SMARCA1: variants seen among roughly 807,000 people sequenced by gnomAD.
SMARCA1 encodes SWI/SNF-related matrix-associated actin-dependent regulator of chromatin subfamily A member 1.
A neutral mutation model predicts 93.6 loss-of-function variants in SMARCA1; 17 were observed. That is an observed-to-expected ratio of 0.18 (90% CI 0.12 to 0.27). SMARCA1 has a LOEUF of 0.27. Among genes scored for constraint, SMARCA1 ranks in the 10% least tolerant of loss-of-function variants. The pLI is 1.00. For missense variants in SMARCA1, 630 were observed against 819.0 expected (o/e 0.77, Z 2.82); for synonymous variants, 271 against 271.4 (o/e 1.00, Z 0.01).
intron 1 of SMARCA1, among the ~76,000 whole-genome samples, chrX:129,519,603 G>A (rs1484968902): frequency 1.8e-5 from 2 of 111,357 alleles, no homozygotes; most frequent in Non-Finnish European, 1.9e-5. Flanking sequence ...GCACTGATCA[G>A]ATATCATTCA....
chrX:129,511,775 C>A, intron 6 of SMARCA1, 29 bp downstream of exon 6: 1 of 1,124,706 alleles, frequency 8.9e-7, no homozygotes, highest in Admixed American at 2.5e-5. Flanking sequence ...TTATTCTTAA[C>A]TGCCTTTTTA....
At chrX:129,462,652 T>A (rs993039338) in intron 23 of SMARCA1, among the ~76,000 whole-genome samples, 2 of 111,567 alleles carry the variant, frequency 1.8e-5, no homozygotes, top group African/African-American at 6.5e-5. Flanking sequence ...TTAAAATATT[T>A]AAATATAAAA....
intron 21 of SMARCA1, 45 bp from the exon 22 acceptor site, chrX:129,466,007 A>G (rs1231603524): frequency 1.6e-6 from 1 of 642,122 alleles, no homozygotes; most frequent in South Asian, 3.3e-5. Flanking sequence ...ATTTAAGCAA[A>G]TAAATCCAAG....
At chrX:129,521,541 A>G (rs1935395298) in intron 1 of SMARCA1, among the ~76,000 whole-genome samples, 1 of 111,913 alleles carries the variant, frequency 8.9e-6, no homozygotes, top group African/African-American at 3.3e-5. Context: ...CTCAGTGTTT[A>G]TATTATATAG....
chrX:129,455,710 C>T (rs961411661), intron 23 of SMARCA1, among the ~76,000 whole-genome samples: 1 of 111,866 alleles, frequency 8.9e-6, no homozygotes, highest in East Asian at 2.8e-4. Context: ...CAGATCAAAC[C>T]AGCCACAACA....
intron 7 of SMARCA1, among the ~76,000 whole-genome samples, chrX:129,507,640 G>A (rs1038289501): frequency 1.8e-5 from 2 of 111,932 alleles, no homozygotes; most frequent in Non-Finnish European, 3.8e-5. Context: ...TGCAACCTCC[G>A]CCTCCCGGGT....
chrX:129,463,630 C>T (rs1932843242), intron 23 of SMARCA1, among the ~76,000 whole-genome samples: 2 of 111,741 alleles, frequency 1.8e-5, no homozygotes, highest in Non-Finnish European at 1.9e-5. Context: ...TAGCACTTTA[C>T]ATTTATCCCT....
chrX:129,493,177 A>G (rs1172485076), intron 12 of SMARCA1, 102 bp from the exon 13 acceptor site: 2 of 332,158 alleles, frequency 6.0e-6, no homozygotes, highest in Non-Finnish European at 1.1e-5. Context: ...TAAACGATCA[A>G]GAATAGGGGG....
intron 12 of SMARCA1, among the ~76,000 whole-genome samples, chrX:129,495,741 T>C (rs1046626567): frequency 2.7e-5 from 3 of 109,139 alleles, no homozygotes; most frequent in African/African-American, 6.7e-5. Flanking sequence ...ATACATTGTT[T>C]TGATTGACGT....
At chrX:129,501,213 A>G (rs1333918349) in intron 9 of SMARCA1, among the ~76,000 whole-genome samples, 1 of 112,024 alleles carries the variant, frequency 8.9e-6, no homozygotes. Flanking sequence ...AGCTGTTGTG[A>G]GCCTAGGAAA....
intron 14 of SMARCA1, among the ~76,000 whole-genome samples, chrX:129,490,733 A>G (rs1295506390): frequency 9.0e-6 from 1 of 111,304 alleles, no homozygotes; most frequent in Admixed American, 9.6e-5. Flanking sequence ...AAAACCATCT[A>G]GGGAGAGTAT....
At chrX:129,503,684 C>G (rs892161455) in intron 9 of SMARCA1, among the ~76,000 whole-genome samples, 11 of 111,622 alleles carry the variant, frequency 9.9e-5, no homozygotes, top group Non-Finnish European at 1.3e-4. Flanking sequence ...AAAGTTGGGG[C>G]CAGGCACAGT....
chrX:129,458,706 G>A (rs982508166), intron 23 of SMARCA1, among the ~76,000 whole-genome samples: 5 of 112,140 alleles, frequency 4.5e-5, no homozygotes, highest in African/African-American at 1.6e-4. Context: ...TAGACACTAA[G>A]CCTACCTAAG....
chrX:129,482,916 C>T (rs192785007), intron 17 of SMARCA1, among the ~76,000 whole-genome samples: 3 of 111,648 alleles, frequency 2.7e-5, no homozygotes, highest in East Asian at 5.6e-4. Context: ...ACCTTGGCAT[C>T]GTATTTTAAG....
In SMARCA1 at chrX:129,491,982, A is replaced by G. The variant is rs1471811257; in HGVS notation, c.1774T>C (p.Tyr592His). 8.3e-7 allele frequency: 1 copy of G among 1,200,935 alleles called. No individual in the cohort carries two copies. The highest frequency in any genetic ancestry group is 1.1e-6 in the Non-Finnish European group (1 of 886,879). Residue 592 changes from tyrosine (Y) to histidine (H), a missense_variant, in exon 14 of 25, where the codon TAT (tyrosine) becomes CAT (histidine). This residue lies in a region of SMARCA1 where 382 missense variants were observed against 537.9 expected (regional missense o/e 0.71). Coordinates refer to ENST00000371121, the MANE Select transcript of SMARCA1 (RefSeq NM_001282874.2). ...ACCTGTGGGTTCCAGTCTGAATCAT[A>G]TAGTATAACCACATCAGCACTTGCC... ...NLASADVVIL[Y>H]DSDWNPQVDL...
At chrX:129,470,553 A>C (rs1419677667) in intron 20 of SMARCA1, among the ~76,000 whole-genome samples, 3 of 112,005 alleles carry the variant, frequency 2.7e-5, no homozygotes. Context: ...AAACAAAAGA[A>C]ATTTAAATTT....
chrX:129,475,008 A>T (rs1176567986), intron 19 of SMARCA1, among the ~76,000 whole-genome samples: 1 of 110,995 alleles, frequency 9.0e-6, no homozygotes, highest in African/African-American at 3.3e-5. Context: ...CCCCCGAGTC[A>T]TGTGGAACTG....
At chrX:129,521,086 A>C (rs936073736) in intron 1 of SMARCA1, among the ~76,000 whole-genome samples, 2 of 110,113 alleles carry the variant, frequency 1.8e-5, no homozygotes, top group Non-Finnish European at 3.8e-5. Flanking sequence ...GGGTTTCACC[A>C]TATTGGCCAG....
At chrX:129,498,993 A>C (rs1007942523) in intron 10 of SMARCA1, among the ~76,000 whole-genome samples, 8 of 110,974 alleles carry the variant, frequency 7.2e-5, no homozygotes, top group Non-Finnish European at 1.5e-4. Context: ...CATTTTCATC[A>C]ACACTAGTAA....
Sources: allele counts gnomAD v4.1 joint callset (sites outside exome capture counted in the v4.1 genomes callset), GRCh38; gene constraint gnomAD v4.1.1; regional missense constraint gnomAD v4.1.1; transcripts MANE v1.5; gene names NCBI Gene and HGNC (gene_info 2026-07-23, HGNC 2026-07-21).